Variants in PTAR1 observed in about 807,000 individuals in gnomAD.
PTAR1 encodes the protein protein prenyltransferase alpha subunit repeat-containing protein 1.
PTAR1 carries 17 observed loss-of-function variants against 45.5 expected under a neutral mutation model. That is an observed-to-expected ratio of 0.37 (90% confidence interval 0.26 to 0.56). PTAR1 has a LOEUF of 0.56. Ranked by LOEUF, PTAR1 falls within the 20% of genes least tolerant of loss-of-function variation. PTAR1 has a pLI of 0.77. For synonymous variants in PTAR1, 169 were observed against 171.3 expected (o/e 0.99, Z 0.11); for missense variants, 391 against 476.3 (o/e 0.82, Z 1.67).
chr9:69,729,193 G>GC (rs1032931823), intron 5 of PTAR1, among the ~76,000 whole-genome samples: 24 of 152,218 alleles, frequency 1.6e-4, no homozygotes, highest in Middle Eastern at 3.4e-3. Context: ...GGTAGTGGGT[G>GC]CCTGTAATCC....
intron 1 of PTAR1, 126 bp downstream of exon 1, chr9:69,759,727 T>C (rs1252210126): frequency 4.5e-6 from 4 of 894,440 alleles, no homozygotes; most frequent in Admixed American, 4.2e-5. Flanking sequence ...CGGCTCTGCC[T>C]CCTCCCTAGA....
chr9:69,729,335 A>C (rs1371212945), intron 5 of PTAR1, among the ~76,000 whole-genome samples: 1 of 152,048 alleles, frequency 6.6e-6, no homozygotes, highest in Non-Finnish European at 1.5e-5. Context: ...TAAATAAATA[A>C]ATAATAATAT....
At chr9:69,753,316 A>C (rs1007873858) in intron 1 of PTAR1, among the ~76,000 whole-genome samples, 1 of 152,202 alleles carries the variant, frequency 6.6e-6, no homozygotes, top group Non-Finnish European at 1.5e-5. Flanking sequence ...TTATAAAATA[A>C]GAATGGCTTG....
chr9:69,729,970 A>C (rs1363269868), intron 5 of PTAR1, among the ~76,000 whole-genome samples: 1 of 152,158 alleles, frequency 6.6e-6, no homozygotes, highest in Non-Finnish European at 1.5e-5. Context: ...AGTCATTTTC[A>C]ATTTCCTAAG....
chr9:69,757,753 C>A (rs1826853898), intron 1 of PTAR1: 1 of 34,454 alleles, frequency 2.9e-5, no homozygotes. Context: ...TAAACAATGC[C>A]TTAAAAAAAA....
At chr9:69,751,143 T>C (rs1042752912) in intron 1 of PTAR1, among the ~76,000 whole-genome samples, 193 bp from the exon 2 acceptor site, 2 of 152,088 alleles carry the variant, frequency 1.3e-5, no homozygotes, top group African/African-American at 4.8e-5. Flanking sequence ...GTACTCTCTG[T>C]AGACAGGAGT....
intron 1 of PTAR1, among the ~76,000 whole-genome samples, chr9:69,752,091 T>C (rs1176119059): frequency 6.6e-6 from 1 of 152,134 alleles, no homozygotes; most frequent in Admixed American, 6.6e-5. Flanking sequence ...ATAAGAGTAG[T>C]TGAAATAAAT....
rs1178451818 is a variant in PTAR1 at position 69,756,359 on chromosome 9, CT to C, written c.86+3493del. Reference sequence around the variant, plus strand: ...GTTTTTATTCTAAGTACCCTTCTTACTTTTTATGACTCTTTTCATAATCTGT... The same window carrying C: ...GTTTTTATTCTAAGTACCCTTCTTACTTTTATGACTCTTTTCATAATCTGT... On this transcript the variant is annotated intron_variant, in intron 1 of 7. Coordinates refer to ENST00000340434, the MANE Select transcript of PTAR1 (RefSeq NM_001099666.2). Among the ~76,000 whole-genome samples the C allele has an allele frequency of 2.0e-5, 3 of 152,234 alleles. No individual in the cohort carries two copies. The East Asian group carries it at 5.8e-4, about 29-fold the overall frequency.
At chr9:69,741,248 AC>A (rs1404601617) in intron 3 of PTAR1, among the ~76,000 whole-genome samples, 3 of 152,168 alleles carry the variant, frequency 2.0e-5, no homozygotes, top group Non-Finnish European at 4.4e-5. Context: ...ATATACAACT[AC>A]TTGGACACAA....
At chr9:69,752,144 A>G (rs989579387) in intron 1 of PTAR1, among the ~76,000 whole-genome samples, 6 of 152,232 alleles carry the variant, frequency 3.9e-5, no homozygotes, top group East Asian at 1.9e-4. Flanking sequence ...ATGTCTTTAA[A>G]AAGCAGAATA....
At chr9:69,748,497 A>G (rs1285511891) in intron 2 of PTAR1, among the ~76,000 whole-genome samples, 1 of 152,114 alleles carries the variant, frequency 6.6e-6, no homozygotes, top group Non-Finnish European at 1.5e-5. Context: ...ACAAGAATTC[A>G]GTTTGGTTAG....
intron 5 of PTAR1, among the ~76,000 whole-genome samples, chr9:69,727,519 A>C (rs1304059685): frequency 3.3e-5 from 5 of 152,190 alleles, no homozygotes; most frequent in Admixed American, 3.3e-4. Context: ...ATTAAAAAAA[A>C]AAAACCACCT....
chr9:69,750,517 T>A (rs1826478822), intron 2 of PTAR1, among the ~76,000 whole-genome samples: 2 of 151,126 alleles, frequency 1.3e-5, no homozygotes, highest in African/African-American at 4.9e-5. Flanking sequence ...CCCCAATACA[T>A]AAACTGATAA....
chr9:69,725,036 C>G (rs932673709), intron 5 of PTAR1, among the ~76,000 whole-genome samples: 1 of 152,044 alleles, frequency 6.6e-6, no homozygotes, highest in African/African-American at 2.4e-5. Context: ...AAAAATAGCA[C>G]CAGATAAACT....
At chr9:69,755,506 G>A (rs1347710308) in intron 1 of PTAR1, among the ~76,000 whole-genome samples, 3 of 152,186 alleles carry the variant, frequency 2.0e-5, no homozygotes, top group Non-Finnish European at 4.4e-5. Flanking sequence ...TACCTTCTGG[G>A]AGGGATGGAT....
intron 3 of PTAR1, among the ~76,000 whole-genome samples, chr9:69,740,227 G>C (rs890560503): frequency 6.6e-6 from 1 of 151,472 alleles, no homozygotes; most frequent in Non-Finnish European, 1.5e-5. Context: ...ATGTATGTAG[G>C]TATATACACT....
At chr9:69,759,486 G>C (rs1180774515) in intron 1 of PTAR1, among the ~76,000 whole-genome samples, 1 of 152,156 alleles carries the variant, frequency 6.6e-6, no homozygotes. Context: ...TGTTTACAAG[G>C]CATACACGGA....
intron 2 of PTAR1, among the ~76,000 whole-genome samples, chr9:69,746,745 T>C (rs1016593597): frequency 1.2e-4 from 18 of 152,154 alleles, no homozygotes; most frequent in Non-Finnish European, 2.4e-4. Context: ...AGTAGCTAAA[T>C]TTCAGCTATA....
rs187778789 is a variant in PTAR1, at chr9:69,754,333, T to A, written c.87-3383A>T. ...TAAGTTAAGAATCTGGGCCTCCTAATACTTAGCCCCAAACCCCTGACACTA... is the reference window on the plus strand; with the variant it reads ...TAAGTTAAGAATCTGGGCCTCCTAAAACTTAGCCCCAAACCCCTGACACTA... On this transcript the variant is annotated intron_variant, in intron 1 of 7. Coordinates refer to ENST00000340434, the MANE Select transcript of PTAR1 (RefSeq NM_001099666.2). Among the ~76,000 whole-genome samples the A allele has an allele frequency of 2.0e-5, 3 of 152,180 alleles. No homozygotes were observed. The East Asian group carries it at 5.8e-4, about 29-fold the overall frequency.
Sources: gnomAD v4.1 joint callset for allele counts (sites outside exome capture counted in the v4.1 genomes callset) on GRCh38, gnomAD v4.1.1 for gene constraint, MANE v1.5 for transcripts, NCBI Gene and HGNC (gene_info 2026-07-23, HGNC 2026-07-21) for gene names.